The following PALLD variants were observed in gnomAD, a reference collection of about 807,000 sequenced individuals.
PALLD encodes the protein palladin, cytoskeletal associated protein.
In PALLD, 61 loss-of-function variants were observed where a neutral mutation model predicts 123.5. The observed-to-expected ratio is 0.49, with a 90% confidence interval of 0.40 to 0.61. The LOEUF (loss-of-function observed/expected upper bound fraction) is 0.61. Among genes scored for constraint, PALLD ranks in the 20% least tolerant of loss-of-function variants. The pLI, the probability that PALLD is intolerant of heterozygous loss-of-function variation, is 0.00. For synonymous variants in PALLD, 465 were observed against 496.4 expected (o/e 0.94, Z 0.84); for missense variants, 1,273 against 1,377.0 (o/e 0.92, Z 1.20).
chr4:168,898,195 G>A (rs1442792912), intron 13 of PALLD: 1 of 431,242 alleles, frequency 2.3e-6, no homozygotes, highest in East Asian at 4.8e-5. Context: ...CTTTGCTTTT[G>A]CCTTTTTCTT....
intron 10 of PALLD, among the ~76,000 whole-genome samples, chr4:168,882,934 C>T (rs569653885): frequency 6.6e-6 from 1 of 152,046 alleles, no homozygotes; most frequent in Admixed American, 6.5e-5. Flanking sequence ...TACTAAAATA[C>T]AAAAAATTAG....
At chr4:168,921,398 A>G in intron 17 of PALLD, 136 bp from the exon 18 acceptor site, 1 of 568,554 alleles carries the variant, frequency 1.8e-6, no homozygotes. Context: ...TAAGAGTGAA[A>G]CTCTGTCCAA....
intron 6 of PALLD, 69 bp downstream of exon 6, chr4:168,685,628 G>A (rs146118374): frequency 0.011 from 10,588 of 999,906 alleles, 87 homozygotes; most frequent in Non-Finnish European, 0.014. Context: ...ATGTGGCTTC[G>A]TGTAGCAATC....
Position 168,709,076 on chromosome 4 carries a change from G to T in PALLD, c.1550G>T (p.Gly517Val). 1.2e-6 allele frequency: 2 copies of T among 1,613,024 alleles called. No homozygotes were observed. The highest frequency in any genetic ancestry group is 1.7e-6 in the Non-Finnish European group (2 of 1,179,058). Reference protein sequence around the residue: ...VIAETFPEDAGIFTCSARNDY... With the variant: ...VIAETFPEDAVIFTCSARNDY... ...GCTGAGACTTTCCCTGAAGATGCAGGGATCTTTACATGTTCAGCAAGAAAT... is the reference window on the plus strand; with the variant it reads ...GCTGAGACTTTCCCTGAAGATGCAGTGATCTTTACATGTTCAGCAAGAAAT... Residue 517 changes from glycine to valine, a missense_variant, in exon 9 of 22, where the codon GGG becomes GTG. This residue lies in a region of PALLD where 944 missense variants were observed against 954.5 expected (regional missense o/e 0.99). Transcript: ENST00000505667.
At chr4:168,674,829 A>T (rs1208894709) in intron 3 of PALLD, among the ~76,000 whole-genome samples, 1 of 152,232 alleles carries the variant, frequency 6.6e-6, no homozygotes, top group Non-Finnish European at 1.5e-5. Context: ...GGAATGGAGC[A>T]TGGGGTCAAA....
rs1762718658 is a variant in PALLD, at chr4:168,927,573, A to G, written c.*1393A>G. 1 of 230,338 alleles carries G rather than the reference A, an allele frequency of 4.3e-6. No homozygotes were observed. Among genetic ancestry groups the G allele is most frequent in the Admixed American group, 5.7e-5 (1 of 17,688 alleles). 14.3% of individuals were successfully genotyped at this position (230,338 alleles called of 1,614,324 possible). On this transcript the variant is annotated 3_prime_UTR_variant, in exon 22 of 22. Coordinates refer to ENST00000505667, the MANE Select transcript of PALLD (RefSeq NM_001166108.2). The stretch of plus-strand genomic sequence containing the variant: ...GAAGTGGAGACATAAGGAGAGACAA[A>G]AACAGGTTTGTGCCATAAAGTATTT...
At chr4:168,890,278 C>T (rs890402019) in intron 10 of PALLD, among the ~76,000 whole-genome samples, 1 of 152,174 alleles carries the variant, frequency 6.6e-6, no homozygotes, top group Non-Finnish European at 1.5e-5. Context: ...GTTCAGGAGG[C>T]TTTGAGACAC....
At chr4:168,534,283 G>C (rs573840194) in intron 2 of PALLD, among the ~76,000 whole-genome samples, 1 of 152,332 alleles carries the variant, frequency 6.6e-6, no homozygotes, top group African/African-American at 2.4e-5. Context: ...CCAGGAGCAA[G>C]ACCAGAGCCA....
chr4:168,694,424 G>T (rs780080098), intron 8 of PALLD, among the ~76,000 whole-genome samples: 5 of 151,614 alleles, frequency 3.3e-5, no homozygotes, highest in Non-Finnish European at 7.4e-5. Context: ...ACTCTTGCTC[G>T]CTCTCTCCCC....
At chr4:168,579,443 T>C (rs1258042670) in intron 2 of PALLD, among the ~76,000 whole-genome samples, 1 of 152,174 alleles carries the variant, frequency 6.6e-6, no homozygotes, top group Non-Finnish European at 1.5e-5. Flanking sequence ...ATAGGAATAC[T>C]CAAACATTGC....
At chr4:168,837,301 C>T (rs1283409841) in intron 10 of PALLD, among the ~76,000 whole-genome samples, 1 of 152,178 alleles carries the variant, frequency 6.6e-6, no homozygotes, top group Non-Finnish European at 1.5e-5. Context: ...CCTTACTAAA[C>T]ATCATTTTTA....
chr4:168,590,298 C>T (rs537997839), intron 2 of PALLD, among the ~76,000 whole-genome samples: 1 of 152,176 alleles, frequency 6.6e-6, no homozygotes, highest in South Asian at 2.1e-4. Context: ...GCCAAGATTG[C>T]GCCATTGCAC....
intron 2 of PALLD, among the ~76,000 whole-genome samples, chr4:168,595,921 G>C (rs1247113612): frequency 7.0e-6 from 1 of 142,804 alleles, no homozygotes; most frequent in East Asian, 2.0e-4. Context: ...TGTACCTTGT[G>C]AACCTGAAAT....
intron 2 of PALLD, among the ~76,000 whole-genome samples, chr4:168,653,004 A>G (rs560557498): frequency 2.0e-4 from 31 of 152,300 alleles, no homozygotes; most frequent in African/African-American, 7.0e-4. Context: ...AAGAAAAGAA[A>G]AATGATAGCA....
At chr4:168,510,939 GTGAA>G (rs1762473991) in intron 1 of PALLD, among the ~76,000 whole-genome samples, 1 of 152,144 alleles carries the variant, frequency 6.6e-6, no homozygotes. Context: ...GGACTGTTGA[GTGAA>G]TGAATATGAA....
chr4:168,512,098 G>A lies in PALLD; in HGVS notation c.594G>A (p.Ser198=), dbSNP rs149663929. The change falls in exon 2 of 22, where the codon TCG becomes TCA. Residue 198 remains serine, a synonymous_variant. Coordinates refer to ENST00000505667, the MANE Select transcript of PALLD (RefSeq NM_001166108.2). The part of the protein sequence containing the change: ...PRNRSPNGES[S]SPDSGYLSPK... ...ACAGAAGCCCAAATGGGGAGTCCTC[G>A]TCACCAGACAGTGGGTACCTGTCTC... 6.1e-5 allele frequency: 99 copies of A among 1,614,158 alleles called. No individual in the cohort carries two copies. In the African/African-American group the frequency reaches 7.5e-4, roughly 12 times the overall value.
Position 168,657,888 on chromosome 4 carries a change from G to A in PALLD, c.909-10302G>A, listed in dbSNP as rs200763544. 1.1e-4 allele frequency among the ~76,000 whole-genome samples: 17 copies of A among 152,242 alleles called. No homozygotes were observed. The East Asian group carries it at 2.1e-3, about 19-fold the overall frequency. On this transcript the variant is annotated intron_variant, in intron 2 of 21. Transcript: ENST00000505667. ...GGTCCAACCAATCTGTGGGCCCTAC[G>A]TAAATCGGACACCACCACCTCAAAC...
intron 10 of PALLD, among the ~76,000 whole-genome samples, chr4:168,732,508 A>G (rs1484053444): frequency 6.6e-6 from 1 of 152,226 alleles, no homozygotes; most frequent in Non-Finnish European, 1.5e-5. Context: ...AGGCAAGAGA[A>G]TATCACTAGA....
chr4:168,918,891 A>G (rs1760820839), intron 17 of PALLD, among the ~76,000 whole-genome samples: 1 of 152,202 alleles, frequency 6.6e-6, no homozygotes, highest in Non-Finnish European at 1.5e-5. Flanking sequence ...ATTAGATTAT[A>G]CCAAAGAATT....
Sources: gnomAD v4.1 joint callset for allele counts (sites outside exome capture counted in the v4.1 genomes callset) on GRCh38, gnomAD v4.1.1 for gene constraint, gnomAD v4.1.1 regional missense constraint, MANE v1.5 for transcripts, NCBI Gene and HGNC (gene_info 2026-07-23, HGNC 2026-07-21) for gene names.